The following CCAR1 variants were observed in gnomAD, a reference collection of about 807,000 sequenced individuals.
CCAR1 encodes the protein cell division cycle and apoptosis regulator protein 1.
A neutral mutation model predicts 163.8 loss-of-function variants in CCAR1; 78 were observed. The ratio of observed to expected loss-of-function variants is 0.48; its 90% CI spans 0.40 to 0.57. The LOEUF is 0.57. Among genes scored for constraint, CCAR1 ranks in the 20% least tolerant of loss-of-function variants. The probability of loss-of-function intolerance (pLI) is 0.00; values close to 1 mark genes in which losing one functional copy is unlikely to be tolerated. For synonymous variants in CCAR1, 443 were observed against 460.7 expected, an observed-to-expected ratio of 0.96 and a Z score of 0.49; for missense variants, 1,019 against 1,365.2, an observed-to-expected ratio of 0.75 and a Z score of 4.00.
chr10:68,755,670 C>A (rs2056390295), intron 13 of CCAR1, 134 bp downstream of exon 13: 1 of 616,052 alleles, frequency 1.6e-6, no homozygotes, highest in Admixed American at 3.3e-5. Context: ...GGAAAATCCC[C>A]ATTTGTAGCT....
At chr10:68,785,422 A>C (rs952031450) in intron 19 of CCAR1, among the ~76,000 whole-genome samples, 2 of 150,266 alleles carry the variant, frequency 1.3e-5, no homozygotes, top group African/African-American at 2.5e-5. Flanking sequence ...GAGTTTTGCC[A>C]TGTTGCACTG....
chr10:68,723,855 A>G (rs2055898837), intron 2 of CCAR1, among the ~76,000 whole-genome samples: 1 of 1,468 alleles, frequency 6.8e-4, no homozygotes. Flanking sequence ...CTCAAAAAGA[A>G]AAAAAAAAAA....
intron 19 of CCAR1, among the ~76,000 whole-genome samples, chr10:68,781,077 C>G (rs2056729502): frequency 6.6e-6 from 1 of 151,828 alleles, no homozygotes; most frequent in African/African-American, 2.4e-5. Context: ...ACTAAAAATA[C>G]ACAAAATAGC....
Position 68,742,397 on chromosome 10 carries a change from A to T in CCAR1, c.346A>T (p.Ser116Cys). 6.2e-7 allele frequency: 1 copy of T among 1,611,964 alleles called. No individual in the cohort carries two copies. The highest frequency in any genetic ancestry group is 8.5e-7 in the Non-Finnish European group (1 of 1,179,010). ...LTQPAVALPT[S>C]LSLSTPQPTA... ...ATAGCCAGCTGTTGCACTGCCTACA[A>T]GCCTTAGCCTGTCTACTCCTCAGCC... is the stretch of plus-strand genomic sequence containing the variant. Residue 116 changes from serine to cysteine, a missense_variant, in exon 6 of 25, where the codon AGC (serine) becomes TGC (cysteine). Ser to Cys is a moderately radical substitution (Grantham distance 112). Transcript: ENST00000265872.
intron 15 of CCAR1, among the ~76,000 whole-genome samples, chr10:68,760,141 C>A (rs1003934718): frequency 6.6e-6 from 1 of 152,110 alleles, no homozygotes; most frequent in Non-Finnish European, 1.5e-5. Context: ...TGGTGTTACT[C>A]CTCTGTTGGA....
At chr10:68,761,659 A>G (rs1589175330) in intron 16 of CCAR1, among the ~76,000 whole-genome samples, 2 of 144,364 alleles carry the variant, frequency 1.4e-5, no homozygotes, top group African/African-American at 5.2e-5. Context: ...AGGGAGTGCA[A>G]TGGCACGATC....
intron 10 of CCAR1, among the ~76,000 whole-genome samples, chr10:68,752,178 A>G (rs1477016392): frequency 1.3e-5 from 2 of 151,958 alleles, no homozygotes; most frequent in Admixed American, 6.6e-5. Context: ...TCGGCCTCCC[A>G]AAGTGCTGGG....
intron 15 of CCAR1, chr10:68,759,371 T>C: frequency 6.5e-6 from 1 of 153,492 alleles, no homozygotes; most frequent in Middle Eastern, 8.9e-4. Context: ...ACTATCATTG[T>C]GCCACTGTAC....
chr10:68,725,513 A>AT (rs1217637358), intron 2 of CCAR1, among the ~76,000 whole-genome samples: 1 of 151,184 alleles, frequency 6.6e-6, no homozygotes, highest in Non-Finnish European at 1.5e-5. Flanking sequence ...TTTTTTGGTC[A>AT]TTTTTTGACT....
intron 13 of CCAR1, among the ~76,000 whole-genome samples, chr10:68,755,789 A>G (rs980032318): frequency 6.6e-6 from 1 of 152,252 alleles, no homozygotes; most frequent in Non-Finnish European, 1.5e-5. Context: ...AGTTGGATGT[A>G]TGTTGAAAAT....
Position 68,753,090 on chromosome 10 carries a change from G to GC in CCAR1, c.1119-761dup, listed in dbSNP as rs1220822123. Among the ~76,000 whole-genome samples, 4 of 8,934 alleles carry GC rather than the reference G, an allele frequency of 4.5e-4. No homozygotes were observed. The East Asian group carries it at 6.3e-3, about 14-fold the overall frequency. 5.9% of individuals were successfully genotyped at this position (8,934 alleles called of 152,430 possible). A position where few individuals can be genotyped will look rare whatever the true frequency, so the allele number is the denominator to read the frequency against. ...AGATTACTTCATCTTTCATACTTCT[G>GC]CTTTTAGTTGTCTTTTCATCTTACA... On this transcript the variant is annotated intron_variant, in intron 10 of 24. Transcript: ENST00000265872.
chr10:68,728,510 A>T (rs1308274246), intron 2 of CCAR1, among the ~76,000 whole-genome samples: 2 of 152,142 alleles, frequency 1.3e-5, no homozygotes, highest in African/African-American at 2.4e-5. Context: ...CAGTTATTTG[A>T]ATTGTAGTAA....
At chr10:68,748,205 T>TG (rs1187566102) in intron 8 of CCAR1, among the ~76,000 whole-genome samples, 1 of 152,068 alleles carries the variant, frequency 6.6e-6, no homozygotes, top group Non-Finnish European at 1.5e-5. Flanking sequence ...GGGCCAGGCA[T>TG]GGTGGCTCAC....
At chr10:68,748,039 A>T (rs2056280060) in intron 8 of CCAR1, among the ~76,000 whole-genome samples, 1 of 152,100 alleles carries the variant, frequency 6.6e-6, no homozygotes, top group Admixed American at 6.6e-5. Flanking sequence ...TTTTTAGTAG[A>T]TACAGGGTTT....
chr10:68,722,350 T>C, intron 1 of CCAR1, 105 bp from the exon 2 acceptor site: 1 of 669,314 alleles, frequency 1.5e-6, no homozygotes, highest in Non-Finnish European at 2.7e-6. Context: ...TGCTGAAATC[T>C]GCGAAGACGT....
chr10:68,782,193 C>T (rs1175722532), intron 19 of CCAR1, among the ~76,000 whole-genome samples: 1 of 152,142 alleles, frequency 6.6e-6, no homozygotes, highest in Non-Finnish European at 1.5e-5. Context: ...CTCTTCAATT[C>T]TATAAAGGCT....
intron 2 of CCAR1, 54 bp downstream of exon 2, chr10:68,722,631 T>A (rs1486366366): frequency 7.2e-7 from 1 of 1,380,496 alleles, no homozygotes; most frequent in Non-Finnish European, 1.0e-6. Context: ...TTGTTAAAAC[T>A]ACGTGAATTA....
chr10:68,730,527 A>T (rs2056022758), intron 2 of CCAR1, among the ~76,000 whole-genome samples: 1 of 150,644 alleles, frequency 6.6e-6, no homozygotes, highest in Middle Eastern at 3.5e-3. Flanking sequence ...TAGTAGAGAC[A>T]GGGTTTCACC....
chr10:68,774,431 G>A (rs1488186490), intron 19 of CCAR1, among the ~76,000 whole-genome samples: 3 of 151,800 alleles, frequency 2.0e-5, no homozygotes, highest in East Asian at 3.9e-4. Flanking sequence ...TGAGGTCAGG[G>A]GTTCAAGTCC....
Sources: gnomAD v4.1 joint callset for allele counts (sites outside exome capture counted in the v4.1 genomes callset) on GRCh38, gnomAD v4.1.1 for gene constraint, MANE v1.5 for transcripts, NCBI Gene and HGNC (gene_info 2026-07-23, HGNC 2026-07-21) for gene names.